The following CEP41 variants were observed in gnomAD, a reference collection of about 807,000 sequenced individuals.
The protein encoded by CEP41 is centrosomal protein 41.
In CEP41, 32 loss-of-function variants were observed where a neutral mutation model predicts 44.3. The observed-to-expected ratio is 0.72, with a 90% CI of 0.54 to 0.97. The LOEUF (loss-of-function observed/expected upper bound fraction) is 0.97. Ranked by LOEUF, CEP41 falls within the 50% of genes least tolerant of loss-of-function variation. CEP41 has a pLI of 0.00. For missense variants in CEP41, 432 were observed against 455.2 expected (o/e 0.95, Z 0.46); for synonymous variants, 151 against 168.5 (o/e 0.90, Z 0.80).
intron 1 of CEP41, among the ~76,000 whole-genome samples, chr7:130,439,772 C>A (rs1455024852): frequency 1.3e-5 from 2 of 152,042 alleles, no homozygotes; most frequent in Non-Finnish European, 2.9e-5. Flanking sequence ...CTCAGCAAGG[C>A]AGAGAAAGCC....
At chr7:130,434,716 G>T (rs1331228782) in intron 1 of CEP41, among the ~76,000 whole-genome samples, 2 of 152,164 alleles carry the variant, frequency 1.3e-5, no homozygotes, top group East Asian at 3.8e-4. Flanking sequence ...CACTATTTTT[G>T]TAAAATTTTT....
At position 130,393,877 on chromosome 7, in the gene CEP41, T is replaced by C; in HGVS notation, c.*5014A>G. On this transcript the variant is annotated 3_prime_UTR_variant, in exon 11 of 11. Transcript: ENST00000223208. ...AAGTTTGTAATTCTCATTCCTTAAG[T>C]GGTACTTTGCAAGGTGTCCATTAAC... 2 of 454,114 alleles carry C rather than the reference T, an allele frequency of 4.4e-6. No individual in the cohort carries two copies. Among genetic ancestry groups the C allele is most frequent in the Non-Finnish European group, 8.8e-6 (2 of 226,788 alleles). 28.1% of individuals were successfully genotyped at this position (454,114 alleles called of 1,614,324 possible).
rs2117545500 is a variant in CEP41 at position 130,398,865 on chromosome 7, T to C, written c.*26A>G. On this transcript the variant is annotated 3_prime_UTR_variant, in exon 11 of 11. Coordinates refer to ENST00000223208, the MANE Select transcript of CEP41 (RefSeq NM_018718.3). ...GGGGTTCTGAAAAGAGGAAGAACAT[T>C]TATTTGCCTAAGTGAGACAAAGTCT... 2 of 1,613,690 alleles carry C rather than the reference T, an allele frequency of 1.2e-6. No individual in the cohort carries two copies.
intron 3 of CEP41, among the ~76,000 whole-genome samples, chr7:130,413,719 C>T (rs1330228358): frequency 6.6e-6 from 1 of 152,186 alleles, no homozygotes; most frequent in Non-Finnish European, 1.5e-5. Context: ...TTATTAAAAA[C>T]TAAGCCAGTT....
chr7:130,413,638 A>G (rs1554420292), intron 3 of CEP41, among the ~76,000 whole-genome samples: 1 of 152,162 alleles, frequency 6.6e-6, no homozygotes, highest in Non-Finnish European at 1.5e-5. Flanking sequence ...TGTCTTGACA[A>G]TTCTGAGCTA....
intron 4 of CEP41, among the ~76,000 whole-genome samples, chr7:130,411,764 T>G (rs987048002): frequency 1.3e-5 from 2 of 152,160 alleles, no homozygotes; most frequent in Non-Finnish European, 2.9e-5. Flanking sequence ...GAAAGTGACT[T>G]GCCCAAAATA....
Position 130,397,772 on chromosome 7 carries a change from T to A in CEP41, c.*1119A>T, listed in dbSNP as rs1274559713. On this transcript the variant is annotated 3_prime_UTR_variant, in exon 11 of 11. Coordinates refer to ENST00000223208, the MANE Select transcript of CEP41 (RefSeq NM_018718.3). ...CTTTTGTTCCCCCAATTAAATGGAA[T>A]GAATGTCAGTCATTTAGCAATTCAA... 1 of 448,064 alleles carries A rather than the reference T, an allele frequency of 2.2e-6. No individual in the cohort carries two copies. Among genetic ancestry groups the A allele is most frequent in the Non-Finnish European group, 4.5e-6 (1 of 222,302 alleles). 27.8% of individuals were successfully genotyped at this position (448,064 alleles called of 1,614,324 possible).
intron 1 of CEP41, 97 bp from the exon 2 acceptor site, chr7:130,428,115 C>T: frequency 1.2e-6 from 1 of 852,212 alleles, no homozygotes; most frequent in Non-Finnish European, 2.0e-6. Context: ...AAAAAAAGTG[C>T]TAAAATTTCT....
rs1355390722 is a variant in CEP41 at position 130,397,843 on chromosome 7, C to A, written c.*1048G>T. On this transcript the variant is annotated 3_prime_UTR_variant, in exon 11 of 11. Coordinates refer to ENST00000223208, the MANE Select transcript of CEP41 (RefSeq NM_018718.3). ...CGGCCAAAACCAGAATCTATAATCA[C>A]AACTTCCTAATCACAGTTCAGTCAT... 1 of 447,926 alleles carries A rather than the reference C, an allele frequency of 2.2e-6. No homozygotes were observed. The highest frequency in any genetic ancestry group is 7.0e-5 in the East Asian group (1 of 14,212). The allele number at this position is 447,926 out of a possible 1,614,324, so 27.7% of individuals were successfully genotyped here. A position where few individuals can be genotyped will look rare whatever the true frequency, so the allele number is the denominator to read the frequency against.
rs781836610 is a variant in CEP41, at chr7:130,400,210, C to A, written c.802G>T (p.Gly268Cys). The change falls in exon 10 of 11, where the codon GGT becomes TGT. Residue 268 changes from glycine to cysteine, a missense_variant. By Grantham distance (159) the Gly-to-Cys change is radical. Transcript: ENST00000223208. The stretch of plus-strand genomic sequence containing the variant: ...TGCTGGCAAGATGCTGGCAGGGAAC[C>A]AGTAATCAGTCCTTCCGGGAATTTC... ...AQKFPEGLITGSLPASCQQAL... is the reference protein window; with the variant it reads ...AQKFPEGLITCSLPASCQQAL... The A allele has an allele frequency of 1.2e-6, 2 of 1,613,920 alleles. No homozygotes were observed. Among genetic ancestry groups the A allele is most frequent in the Non-Finnish European group, 1.7e-6 (2 of 1,179,928 alleles).
At chr7:130,421,477 A>G in intron 2 of CEP41, 1 of 984,318 alleles carries the variant, frequency 1.0e-6, no homozygotes, top group Non-Finnish European at 1.2e-6. Flanking sequence ...AGCCTTTCAC[A>G]TATATTTCTT....
At position 130,428,017 on chromosome 7, in the gene CEP41, T is replaced by G; in HGVS notation, c.35A>C (p.Tyr12Ser). 1.3e-6 allele frequency: 2 copies of G among 1,589,494 alleles called. No homozygotes were observed. Among genetic ancestry groups the G allele is most frequent in the African/African-American group, 1.3e-5 (1 of 74,562 alleles). Reference sequence around the variant, plus strand: ...GTTCTGTGGTATCCTTTTCATCAGATACTAAAAAATAAGGAAATTCACAAT... The same window carrying G: ...GTTCTGTGGTATCCTTTTCATCAGAGACTAAAAAATAAGGAAATTCACAAT... ...SLRRHIGNPEYLMKRIPQNPR... is the reference protein window; with the variant it reads ...SLRRHIGNPESLMKRIPQNPR... The change falls in exon 2 of 11, where the codon TAT (tyrosine) becomes TCT (serine). Residue 12 changes from tyrosine to serine, a missense_variant and splice_region_variant. Physicochemically the swap from Tyr to Ser is moderately radical, Grantham distance 144. Coordinates refer to ENST00000223208, the MANE Select transcript of CEP41 (RefSeq NM_018718.3).
chr7:130,419,689 A>C (rs1180627760), intron 2 of CEP41: 2 of 985,234 alleles, frequency 2.0e-6, no homozygotes, highest in African/African-American at 3.5e-5. Flanking sequence ...TCCTAACTAA[A>C]GCTGAAACTC....
intron 5 of CEP41, among the ~76,000 whole-genome samples, chr7:130,408,027 T>G (rs1797065858): frequency 6.6e-6 from 1 of 152,152 alleles, no homozygotes; most frequent in Admixed American, 6.5e-5. Flanking sequence ...AAAATGCAAG[T>G]AAGATTAAAT....
chr7:130,396,059 C>T lies in CEP41; in HGVS notation c.*2832G>A. 2.2e-6 allele frequency: 1 copy of T among 454,032 alleles called. No homozygotes were observed. The allele number at this position is 454,032 out of a possible 1,614,324, so 28.1% of individuals were successfully genotyped here. A position where few individuals can be genotyped will look rare whatever the true frequency, so the allele number is the denominator to read the frequency against. On this transcript the variant is annotated 3_prime_UTR_variant, in exon 11 of 11. Coordinates refer to ENST00000223208, the MANE Select transcript of CEP41 (RefSeq NM_018718.3). ...CTGCTTCTTTTCTTCTCTCTGCCCT[C>T]CCTTCTTCCCATTTCCTTGCTTCTT...
intron 1 of CEP41, 63 bp downstream of exon 1, chr7:130,440,871 C>T (rs1036598505): frequency 1.9e-6 from 3 of 1,588,888 alleles, no homozygotes; most frequent in Non-Finnish European, 2.6e-6. Flanking sequence ...TCTTCCCTGC[C>T]CACATGAGCC....
upstream of CEP41, among the ~76,000 whole-genome samples, chr7:130,441,575 A>G (rs1465742384): frequency 6.6e-6 from 1 of 152,264 alleles, no homozygotes; most frequent in Non-Finnish European, 1.5e-5. Flanking sequence ...CTTTTAGGCT[A>G]GCTATAGAGC....
intron 2 of CEP41, among the ~76,000 whole-genome samples, chr7:130,427,484 TA>T (rs1232894456): frequency 1.3e-5 from 2 of 148,520 alleles, no homozygotes. Flanking sequence ...ACTCTTTAAC[TA>T]AAAAAAAAAC....
At position 130,393,978 on chromosome 7, in the gene CEP41, A is replaced by G. The variant is rs1554413420; in HGVS notation, c.*4913T>C. 2.2e-6 allele frequency: 1 copy of G among 453,986 alleles called. No homozygotes were observed. Among genetic ancestry groups the G allele is most frequent in the Non-Finnish European group, 4.4e-6 (1 of 226,802 alleles). The allele number at this position is 453,986 out of a possible 1,614,324, so 28.1% of individuals were successfully genotyped here. A position where few individuals can be genotyped will look rare whatever the true frequency, so the allele number is the denominator to read the frequency against. ...GCAGACACAGGCGGTGGAAATGTGG[A>G]AATACGCATTCCCCAGAGCAGATGT... On this transcript the variant is annotated 3_prime_UTR_variant, in exon 11 of 11. Coordinates refer to ENST00000223208, the MANE Select transcript of CEP41 (RefSeq NM_018718.3).
Sources: gnomAD v4.1 joint callset for allele counts (sites outside exome capture counted in the v4.1 genomes callset) on GRCh38, gnomAD v4.1.1 for gene constraint, MANE v1.5 for transcripts, NCBI Gene and HGNC (gene_info 2026-07-23, HGNC 2026-07-21) for gene names.